The following GARNL3 variants were observed in gnomAD, a reference collection of about 807,000 sequenced individuals.
GARNL3 encodes GTPase-activating Rap/Ran-GAP domain-like protein 3.
GARNL3 carries 63 observed loss-of-function variants against 125.0 expected under a neutral mutation model. The observed-to-expected ratio is 0.50, with a 90% confidence interval of 0.41 to 0.62. The LOEUF (loss-of-function observed/expected upper bound fraction) is 0.62, where lower values mean the gene tolerates loss of function less well. Among genes scored for constraint, GARNL3 ranks in the 20% least tolerant of loss-of-function variants. The pLI, the probability that GARNL3 is intolerant of heterozygous loss-of-function variation, is 0.00. For synonymous variants in GARNL3, 439 were observed against 457.5 expected, an observed-to-expected ratio of 0.96 and a Z score of 0.52; for missense variants, 994 against 1,244.0, an observed-to-expected ratio of 0.80 and a Z score of 3.02.
At chr9:127,362,844 A>G (rs938409139) in intron 21 of GARNL3, 15 of 151,858 alleles carry the variant, frequency 9.9e-5, no homozygotes, top group African/African-American at 2.9e-4. Context: ...TAGATAAGTT[A>G]CCTCCTGGAG....
At chr9:127,312,714 G>A (rs2065128070) in intron 3 of GARNL3, among the ~76,000 whole-genome samples, 1 of 152,218 alleles carries the variant, frequency 6.6e-6, no homozygotes, top group African/African-American at 2.4e-5. Context: ...ACCTGACTGT[G>A]TATTATTGTA....
chr9:127,380,653 G>A (rs918766604), intron 22 of GARNL3, among the ~76,000 whole-genome samples: 40 of 152,124 alleles, frequency 2.6e-4, no homozygotes, highest in African/African-American at 9.2e-4. Context: ...CGAAAACATC[G>A]AGCTCAGTCA....
At chr9:127,229,620 C>T (rs975585612) in intron 1 of GARNL3, among the ~76,000 whole-genome samples, 5 of 152,204 alleles carry the variant, frequency 3.3e-5, no homozygotes, top group East Asian at 1.9e-4. Context: ...CCCAGCCTCC[C>T]GAGTAGCTGA....
chr9:127,292,675 A>G (rs1164296325), intron 2 of GARNL3, among the ~76,000 whole-genome samples: 1 of 152,242 alleles, frequency 6.6e-6, no homozygotes, highest in Non-Finnish European at 1.5e-5. Context: ...CACACCTCCC[A>G]GGAAAGACAT....
intron 22 of GARNL3, among the ~76,000 whole-genome samples, chr9:127,375,420 C>T (rs7047450): frequency 1 from 150,080 of 150,552 alleles, 74,806 homozygotes; most frequent in Middle Eastern, 1. Flanking sequence ...GAGCCAAGAT[C>T]GCGCCGTTGC....
intron 1 of GARNL3, chr9:127,225,090 G>A (rs1259941490): frequency 1.4e-5 from 2 of 145,972 alleles, no homozygotes; most frequent in Admixed American, 1.4e-4. Context: ...GCCCAGCGGA[G>A]GGTCTGGGCA....
Position 127,311,754 on chromosome 9 carries a change from T to A in GARNL3, c.319+19T>A. 1 of 1,516,772 alleles carries A rather than the reference T, an allele frequency of 6.6e-7. No individual in the cohort carries two copies. The highest frequency in any genetic ancestry group is 9.2e-7 in the Non-Finnish European group (1 of 1,091,790). 94.0% of individuals were successfully genotyped at this position (1,516,772 alleles called of 1,614,324 possible). A position where few individuals can be genotyped will look rare whatever the true frequency, so the allele number is the denominator to read the frequency against. ...GGACAAGGTAATTATGCTATTGTGG[T>A]GGTAGGGAAGAAAGGGTATTCAAAA... On this transcript the variant is annotated intron_variant, in intron 3 of 27. Transcript: ENST00000373387.
rs1403655620 is a variant in GARNL3, at chr9:127,242,342, T to A, written c.-28-737T>A. Among the ~76,000 whole-genome samples, 1 of 152,044 alleles carries A rather than the reference T, an allele frequency of 6.6e-6. No homozygotes were observed. Among genetic ancestry groups the A allele is most frequent in the African/African-American group, 2.4e-5 (1 of 41,396 alleles). ...GTCTGTCAGTTGAGGTAGAGGTGAG[T>A]GAAGAGCCCTGCTAATTGGCTCAGA... On this transcript the variant is annotated intron_variant, in intron 1 of 10. Transcript: ENST00000439286. This position sits in a 1 kb window ranked among gnomAD's most constrained non-coding sequence, Gnocchi z 4.6.
At chr9:127,291,745 T>C (rs1317118203) in intron 2 of GARNL3, among the ~76,000 whole-genome samples, 1 of 148,848 alleles carries the variant, frequency 6.7e-6, no homozygotes, top group Admixed American at 6.7e-5. Flanking sequence ...TTTTTTTTTT[T>C]TTTTTGCCAC....
intron 2 of GARNL3, among the ~76,000 whole-genome samples, chr9:127,307,535 G>A (rs2064990784): frequency 6.6e-6 from 1 of 152,170 alleles, no homozygotes; most frequent in Non-Finnish European, 1.5e-5. Context: ...ACTGTGATAG[G>A]CAACTGATCA....
intron 27 of GARNL3, among the ~76,000 whole-genome samples, 181 bp downstream of exon 27, chr9:127,390,948 G>C (rs776694102): frequency 2.0e-5 from 3 of 152,200 alleles, no homozygotes; most frequent in Non-Finnish European, 4.4e-5. Flanking sequence ...GAGGGATCTA[G>C]ACAAATGGGC....
chr9:127,318,061 A>G lies in GARNL3; in HGVS notation c.439-2A>G. 1 of 1,590,654 alleles carries G rather than the reference A, an allele frequency of 6.3e-7. No individual in the cohort carries two copies. Among genetic ancestry groups the G allele is most frequent in the Non-Finnish European group, 8.6e-7 (1 of 1,158,590 alleles). ...ACTGATTTGATGTTTGGACTTTTCC[A>G]GGGTACCCAGAAAATATGCCTTCCC... On this transcript the variant is annotated splice_acceptor_variant, in intron 4 of 27. Transcript: ENST00000373387. LOFTEE classifies it high-confidence loss of function.
intron 2 of GARNL3, among the ~76,000 whole-genome samples, chr9:127,252,989 TA>T (rs1210034193): frequency 2.0e-5 from 3 of 152,234 alleles, no homozygotes; most frequent in East Asian, 1.9e-4. Flanking sequence ...TGTTCACTTA[TA>T]TTAGTGGCAT....
chr9:127,354,448 T>G (rs569325815), intron 19 of GARNL3, 38 bp downstream of exon 19: 1 of 1,270,174 alleles, frequency 7.9e-7, no homozygotes, highest in South Asian at 1.3e-5. Flanking sequence ...TCGATTCGTT[T>G]TTTTTTTTCC....
In GARNL3 at chr9:127,225,860, G is replaced by C. The variant is rs574966558; in HGVS notation, c.-29+1522G>C. Among the ~76,000 whole-genome samples, 5 of 150,210 alleles carry C rather than the reference G, an allele frequency of 3.3e-5. 1 individual carries two copies. The highest frequency in any genetic ancestry group is 9.8e-5 in the African/African-American group (4 of 40,614). On this transcript the variant is annotated intron_variant, in intron 1 of 10. Coordinates refer to the GARNL3 transcript ENST00000439286. The stretch of plus-strand genomic sequence containing the variant: ...CGCCCCTTGCGCCCCTCTCCCTCGC[G>C]ACGCCGGCCTCTGCCCGGGCCGCCG...
chr9:127,246,821 T>C lies in GARNL3; in HGVS notation c.143+3572T>C, dbSNP rs2063312593. On this transcript the variant is annotated intron_variant, in intron 2 of 10. Transcript: ENST00000439286. ...GACTCTGCCTCAAAAAAAAAATTGC[T>C]GTCAGGGCTGAAGAAGGGTACAGTA... 1.3e-5 allele frequency among the ~76,000 whole-genome samples: 2 copies of C among 151,694 alleles called. 1 individual carries two copies. Among genetic ancestry groups the C allele is most frequent in the South Asian group, 4.2e-4 (2 of 4,796 alleles).
rs772567389 is a variant in GARNL3 at position 127,264,945 on chromosome 9, G to T, written c.68G>T (p.Cys23Phe). The change falls in exon 1 of 28, where the codon TGT becomes TTT. Residue 23 changes from cysteine (C) to phenylalanine (F), a missense_variant. Around this residue, in one of 5 missense-constraint regions of GARNL3, gnomAD observed 37 missense variants for 34.2 expected, o/e 1.08. Coordinates refer to ENST00000373387, the MANE Select transcript of GARNL3 (RefSeq NM_032293.5). ...TGTATAATACTGATGAAGCATTTTT[G>T]TTCCAGCTCTGTCTCGGAAGACCTA... is the stretch of plus-strand genomic sequence containing the variant. ...SLCIILMKHF[C>F]SSSVSEDLGC... The T allele has an allele frequency of 5.6e-6, 9 of 1,612,994 alleles. No homozygotes were observed. The Admixed American group carries it at 1.2e-4, about 21-fold the overall frequency.
rs373746334 is a variant in GARNL3, at chr9:127,291,258, C to T, written c.219+16C>T. Reference sequence around the variant, plus strand: ...TTCAGATGAGGTAAGGAAGCCTCCCCACTTCCTGTAATGCCACCAAGCACA... The same window carrying T: ...TTCAGATGAGGTAAGGAAGCCTCCCTACTTCCTGTAATGCCACCAAGCACA... On this transcript the variant is annotated intron_variant, in intron 2 of 27. Coordinates refer to ENST00000373387, the MANE Select transcript of GARNL3 (RefSeq NM_032293.5). The T allele has an allele frequency of 2.2e-4, 348 of 1,607,780 alleles. 2 individuals are homozygous for T. The highest frequency in any genetic ancestry group is 1.4e-3 in the South Asian group (130 of 90,862).
chr9:127,283,661 C>A (rs1388431364), intron 1 of GARNL3, among the ~76,000 whole-genome samples: 1 of 152,140 alleles, frequency 6.6e-6, no homozygotes, highest in African/African-American at 2.4e-5. Context: ...CAGAGCAAGA[C>A]CCTGTCTCAA....
Sources: allele counts gnomAD v4.1 joint callset (sites outside exome capture counted in the v4.1 genomes callset), GRCh38; gene constraint gnomAD v4.1.1; regional missense constraint gnomAD v4.1.1; non-coding constraint Gnocchi (gnomAD v3.1); transcripts MANE v1.5; gene names NCBI Gene and HGNC (gene_info 2026-07-23, HGNC 2026-07-21).